TAFA1: variants seen among roughly 807,000 people sequenced by gnomAD.
TAFA1 encodes TAFA chemokine like family member 1, also known as chemokine-like protein TAFA-1.
In TAFA1, 4 loss-of-function variants were observed where a neutral mutation model predicts 18.5. That is an observed-to-expected ratio of 0.22 (90% CI 0.11 to 0.49). The LOEUF (loss-of-function observed/expected upper bound fraction) is 0.49. Among genes scored for constraint, TAFA1 ranks in the 20% least tolerant of loss-of-function variants. The pLI is 0.98. For synonymous variants in TAFA1, 56 were observed against 55.2 expected, an observed-to-expected ratio of 1.01 and a Z score of -0.06; for missense variants, 147 against 169.0, an observed-to-expected ratio of 0.87 and a Z score of 0.72.
intron 3 of TAFA1, among the ~76,000 whole-genome samples, chr3:68,515,873 A>C (rs1311779488): frequency 6.6e-6 from 1 of 152,190 alleles, no homozygotes; most frequent in Non-Finnish European, 1.5e-5. Context: ...TTAAACTGTG[A>C]ACACGAGCTC....
intron 2 of TAFA1, among the ~76,000 whole-genome samples, chr3:68,039,803 C>T (rs556658452): frequency 6.6e-6 from 1 of 152,228 alleles, no homozygotes; most frequent in Non-Finnish European, 1.5e-5. Flanking sequence ...ATGCAGACAA[C>T]TGAGACTCAG....
chr3:68,063,015 G>GA (rs2064625313), intron 2 of TAFA1, among the ~76,000 whole-genome samples: 1 of 152,120 alleles, frequency 6.6e-6, no homozygotes. Flanking sequence ...AACCTAAAAA[G>GA]AAAAATGATT....
intron 2 of TAFA1, among the ~76,000 whole-genome samples, chr3:68,036,476 A>T (rs961591220): frequency 2.0e-5 from 3 of 151,490 alleles, no homozygotes; most frequent in African/African-American, 7.3e-5. Context: ...CTGTAAGTAA[A>T]TTTTAAAATA....
chr3:68,135,610 G>T (rs1306320421), intron 2 of TAFA1, among the ~76,000 whole-genome samples: 2 of 152,152 alleles, frequency 1.3e-5, no homozygotes, highest in Non-Finnish European at 2.9e-5. Flanking sequence ...GAGGATTAAC[G>T]AAAATACCTA....
chr3:68,426,789 A>G (rs1278314913), intron 3 of TAFA1, among the ~76,000 whole-genome samples: 1 of 151,874 alleles, frequency 6.6e-6, no homozygotes, highest in East Asian at 1.9e-4. Flanking sequence ...TGTGCATTAT[A>G]ATTGCAATGA....
chr3:68,238,990 G>A (rs2066964423), intron 2 of TAFA1, among the ~76,000 whole-genome samples: 1 of 152,052 alleles, frequency 6.6e-6, no homozygotes, highest in Admixed American at 6.5e-5. Flanking sequence ...ATTTACTTGG[G>A]CTAATTTCTA....
intron 3 of TAFA1, among the ~76,000 whole-genome samples, chr3:68,484,849 C>T (rs1372772244): frequency 6.6e-6 from 1 of 152,136 alleles, no homozygotes; most frequent in Non-Finnish European, 1.5e-5. Context: ...CCATGAGATG[C>T]TACAGTATTT....
At chr3:68,393,104 G>A (rs903009713) in intron 2 of TAFA1, among the ~76,000 whole-genome samples, 3 of 151,796 alleles carry the variant, frequency 2.0e-5, no homozygotes, top group Non-Finnish European at 4.4e-5. Flanking sequence ...TAGACCACTA[G>A]CCAGACTAAT....
At chr3:68,426,599 G>A (rs914602254) in intron 3 of TAFA1, among the ~76,000 whole-genome samples, 4 of 151,684 alleles carry the variant, frequency 2.6e-5, no homozygotes, top group African/African-American at 9.7e-5. Flanking sequence ...TGAAAAGTTT[G>A]GTAATATCCA....
At chr3:68,204,338 T>G (rs1400673047) in intron 2 of TAFA1, among the ~76,000 whole-genome samples, 1 of 151,836 alleles carries the variant, frequency 6.6e-6, no homozygotes, top group African/African-American at 2.4e-5. Flanking sequence ...GAACTTTTCA[T>G]CTGGTAGCAG....
chr3:68,315,781 T>C (rs1217811104), intron 2 of TAFA1, among the ~76,000 whole-genome samples: 1 of 152,206 alleles, frequency 6.6e-6, no homozygotes, highest in Non-Finnish European at 1.5e-5. Flanking sequence ...TTGTCAACAT[T>C]GACAGATGCC....
intron 2 of TAFA1, among the ~76,000 whole-genome samples, chr3:68,050,039 A>G (rs2064448267): frequency 6.6e-6 from 1 of 152,134 alleles, no homozygotes; most frequent in Non-Finnish European, 1.5e-5. Flanking sequence ...GACTTTGTGC[A>G]GGTTACATAA....
intron 3 of TAFA1, among the ~76,000 whole-genome samples, chr3:68,479,050 G>A (rs2072165363): frequency 6.6e-6 from 1 of 150,380 alleles, no homozygotes; most frequent in African/African-American, 2.4e-5. Flanking sequence ...GGCCAACATA[G>A]TGAAACCCCA....
At chr3:68,060,259 A>G (rs961514115) in intron 2 of TAFA1, among the ~76,000 whole-genome samples, 5 of 151,240 alleles carry the variant, frequency 3.3e-5, no homozygotes, top group Non-Finnish European at 7.4e-5. Flanking sequence ...GGGGATGTCA[A>G]CTTCCTAAAT....
intron 2 of TAFA1, among the ~76,000 whole-genome samples, chr3:68,224,192 T>C (rs1480862047): frequency 6.6e-6 from 1 of 152,020 alleles, no homozygotes; most frequent in Non-Finnish European, 1.5e-5. Context: ...TAAATAAAGG[T>C]AAATGTAGGC....
At chr3:68,232,978 A>G (rs1015188248) in intron 2 of TAFA1, among the ~76,000 whole-genome samples, 3 of 152,204 alleles carry the variant, frequency 2.0e-5, no homozygotes, top group Admixed American at 6.5e-5. Flanking sequence ...CACTAACAAT[A>G]TATGAGTTCC....
chr3:68,441,968 A>C (rs1213622803), intron 3 of TAFA1, among the ~76,000 whole-genome samples: 2 of 152,100 alleles, frequency 1.3e-5, no homozygotes, highest in African/African-American at 4.8e-5. Flanking sequence ...AAATGGCCAG[A>C]TGTGTGATTA....
intron 2 of TAFA1, among the ~76,000 whole-genome samples, chr3:68,022,822 T>TATATAA (rs1491269532): frequency 4.1e-5 from 3 of 73,536 alleles, no homozygotes; most frequent in African/African-American, 6.0e-5. Context: ...TATATATATA[T>TATATAA]TATATATAAT....
chr3:68,011,168 A>C lies in TAFA1; in HGVS notation c.118+4424A>C, dbSNP rs1034740151. Among the ~76,000 whole-genome samples the C allele has an allele frequency of 2.6e-5, 4 of 152,138 alleles. No homozygotes were observed. The East Asian group carries it at 7.7e-4, about 29-fold the overall frequency. On this transcript the variant is annotated intron_variant, in intron 2 of 4. Coordinates refer to ENST00000478136, the MANE Select transcript of TAFA1 (RefSeq NM_213609.4). Reference sequence around the variant, plus strand: ...GGGTGGGTGTCCTTGAAACTTAGTAAAATATAAATCATCTCAAAATTATTT... The same window carrying C: ...GGGTGGGTGTCCTTGAAACTTAGTACAATATAAATCATCTCAAAATTATTT...
Sources: gnomAD v4.1 joint callset for allele counts (sites outside exome capture counted in the v4.1 genomes callset) on GRCh38, gnomAD v4.1.1 for gene constraint, MANE v1.5 for transcripts, NCBI Gene and HGNC (gene_info 2026-07-23, HGNC 2026-07-21) for gene names.